Variants in RETREG3 observed in about 807,000 individuals in gnomAD.
RETREG3 encodes reticulophagy regulator family member 3.
A neutral mutation model predicts 50.2 loss-of-function variants in RETREG3; 23 were observed. The observed-to-expected ratio is 0.46, with a 90% CI of 0.33 to 0.65. RETREG3 has a LOEUF of 0.65. Among genes scored for constraint, RETREG3 ranks in the 30% least tolerant of loss-of-function variants. The pLI, the probability that RETREG3 is intolerant of heterozygous loss-of-function variation, is 0.02. For missense variants in RETREG3, 546 were observed against 598.0 expected (o/e 0.91, Z 0.91); for synonymous variants, 240 against 234.4 (o/e 1.02, Z -0.22).
chr17:42,586,242 G>C (rs1174801792), intron 4 of RETREG3, 105 bp from the exon 5 acceptor site: 2 of 979,556 alleles, frequency 2.0e-6, no homozygotes, highest in Non-Finnish European at 3.2e-6. Context: ...TGTAAGTCAA[G>C]CATGGACGTG....
In RETREG3 at chr17:42,586,764, C is replaced by A; in HGVS notation, c.504+1G>T. On this transcript the variant is annotated splice_donor_variant, in intron 4 of 8. Transcript: ENST00000309428. LOFTEE classifies it high-confidence loss of function. ...GAAAGTGAAAAAGGGAAGAGTCTTA[C>A]CTTGCCTGGGTTTTGCTTTTTGAAA... 6.2e-7 allele frequency: 1 copy of A among 1,613,784 alleles called. No individual in the cohort carries two copies. The highest frequency in any genetic ancestry group is 1.1e-5 in the South Asian group (1 of 91,046).
Position 42,587,647 on chromosome 17 carries a change from C to T in RETREG3, c.377+187G>A, listed in dbSNP as rs1245461196. ...TTTCAGAAACTTCTCTTGTAAAGAT[C>T]AGAGGACACAGGCCATCTCAACATA... On this transcript the variant is annotated intron_variant, in intron 3 of 8. Transcript: ENST00000309428. 4.4e-5 allele frequency: 28 copies of T among 633,368 alleles called. 1 individual carries two copies. The highest frequency in any genetic ancestry group is 4.2e-4 in the South Asian group (22 of 52,290). 39.2% of individuals were successfully genotyped at this position (633,368 alleles called of 1,614,324 possible). A position where few individuals can be genotyped will look rare whatever the true frequency, so the allele number is the denominator to read the frequency against.
intron 5 of RETREG3, among the ~76,000 whole-genome samples, chr17:42,585,852 C>T (rs1378622062): frequency 6.6e-6 from 1 of 152,018 alleles, no homozygotes; most frequent in African/African-American, 2.4e-5. Flanking sequence ...CAATTTCTGA[C>T]TTGGTAAGAA....
At chr17:42,598,270 C>T (rs1195749587) in intron 1 of RETREG3, among the ~76,000 whole-genome samples, 2 of 152,038 alleles carry the variant, frequency 1.3e-5, no homozygotes, top group East Asian at 1.9e-4. Context: ...CGTGAGCCAC[C>T]GCACCCGGCC....
Position 42,583,599 on chromosome 17 carries a change from G to C in RETREG3, c.728-19C>G. The C allele has an allele frequency of 6.2e-7, 1 of 1,609,212 alleles. No individual in the cohort carries two copies. The stretch of plus-strand genomic sequence containing the variant: ...CGGCGTACTGTGGGAAGAGCACAAA[G>C]TCTTGCTTGATACCTTCTCCCAGCG... On this transcript the variant is annotated intron_variant, in intron 6 of 8. Transcript: ENST00000309428.
chr17:42,587,272 G>A (rs1490477238), intron 3 of RETREG3, among the ~76,000 whole-genome samples: 2 of 152,350 alleles, frequency 1.3e-5, no homozygotes, highest in South Asian at 4.1e-4. Context: ...TGCTAAGGGG[G>A]AGGAAATGGT....
intron 6 of RETREG3, among the ~76,000 whole-genome samples, chr17:42,584,786 A>G (rs2093117593): frequency 7.1e-6 from 1 of 141,138 alleles, no homozygotes. Context: ...ACTGCACTCC[A>G]GCCTGGGAAA....
chr17:42,598,126 C>T (rs891713702), intron 1 of RETREG3, among the ~76,000 whole-genome samples: 2 of 151,524 alleles, frequency 1.3e-5, no homozygotes. Flanking sequence ...GGACTACAGG[C>T]GCCCGCCACC....
intron 1 of RETREG3, among the ~76,000 whole-genome samples, chr17:42,599,533 A>G (rs1017674770): frequency 1.3e-5 from 2 of 151,922 alleles, no homozygotes; most frequent in Admixed American, 6.6e-5. Flanking sequence ...GTATGCCTGT[A>G]ATCTCAGCTA....
intron 6 of RETREG3, 26 bp downstream of exon 6, chr17:42,585,095 AAGTG>A: frequency 6.2e-7 from 1 of 1,606,376 alleles, no homozygotes; most frequent in Non-Finnish European, 8.5e-7. Flanking sequence ...CAAATTGCGT[AAGTG>A]GAAAGAATGA....
chr17:42,594,845 C>T (rs371731819), intron 1 of RETREG3, among the ~76,000 whole-genome samples: 1 of 151,800 alleles, frequency 6.6e-6, no homozygotes, highest in Non-Finnish European at 1.5e-5. Flanking sequence ...AGTGGAACTC[C>T]GTCTCAAAAT....
At chr17:42,597,519 G>GTA (rs1491488214) in intron 1 of RETREG3, among the ~76,000 whole-genome samples, 29 of 117,180 alleles carry the variant, frequency 2.5e-4, no homozygotes, top group African/African-American at 5.8e-4. Context: ...GTGTGTGTGT[G>GTA]TGTGTATATA....
chr17:42,586,662 CTT>C (rs1191531620), intron 4 of RETREG3, 101 bp downstream of exon 4: 3 of 1,474,852 alleles, frequency 2.0e-6, no homozygotes, highest in Non-Finnish European at 2.7e-6. Flanking sequence ...ACATCATAGT[CTT>C]TACTTTCTTG....
At chr17:42,589,819 C>T (rs2093128924) in intron 2 of RETREG3, among the ~76,000 whole-genome samples, 1 of 152,222 alleles carries the variant, frequency 6.6e-6, no homozygotes, top group African/African-American at 2.4e-5. Context: ...CTGACTACTT[C>T]TCACAAAGAC....
At position 42,594,777 on chromosome 17, in the gene RETREG3, C is replaced by A. The variant is rs559128265; in HGVS notation, c.240-2615G>T. 8.8e-5 allele frequency among the ~76,000 whole-genome samples: 13 copies of A among 148,332 alleles called. No homozygotes were observed. In the South Asian group the frequency reaches 2.9e-3, roughly 33 times the overall value. On this transcript the variant is annotated intron_variant, in intron 1 of 8. Coordinates refer to ENST00000309428, the MANE Select transcript of RETREG3 (RefSeq NM_178126.4). Reference sequence around the variant, plus strand: ...GAGGCAGGAGAATGGCGTGAACCTGCGAGGCGGAGCTTGCAGTGAGCTGAG... The same window carrying A: ...GAGGCAGGAGAATGGCGTGAACCTGAGAGGCGGAGCTTGCAGTGAGCTGAG...
chr17:42,586,468 A>T, intron 4 of RETREG3: 1 of 420,408 alleles, frequency 2.4e-6, no homozygotes, highest in South Asian at 3.3e-5. Context: ...AAAAAAACAC[A>T]ACAACCTATC....
rs114574461 is a variant in RETREG3, at chr17:42,593,122, A to G, written c.240-960T>C. Among the ~76,000 whole-genome samples the G allele has an allele frequency of 3.6e-3, 548 of 152,336 alleles. 3 individuals are homozygous for G. The highest frequency in any genetic ancestry group is 0.013 in the African/African-American group (522 of 41,576). On this transcript the variant is annotated intron_variant, in intron 1 of 8. Coordinates refer to ENST00000309428, the MANE Select transcript of RETREG3 (RefSeq NM_178126.4). ...AGCATTATCCTGATACCAAAGCCAA[A>G]GACACAATAAAACTGTAGACCAATA...
chr17:42,607,423 C>A (rs2093169747), intron 1 of RETREG3, among the ~76,000 whole-genome samples: 1 of 146,668 alleles, frequency 6.8e-6, no homozygotes, highest in African/African-American at 2.5e-5. Context: ...TTGCTTGAGC[C>A]CAGGAAGTGG....
chr17:42,593,742 T>TA (rs2093137995), intron 1 of RETREG3, among the ~76,000 whole-genome samples: 1 of 151,984 alleles, frequency 6.6e-6, no homozygotes, highest in African/African-American at 2.4e-5. Context: ...TTTTAGATGC[T>TA]AAGTGTTAAG....
Sources: allele counts gnomAD v4.1 joint callset (sites outside exome capture counted in the v4.1 genomes callset), GRCh38; gene constraint gnomAD v4.1.1; transcripts MANE v1.5; gene names NCBI Gene and HGNC (gene_info 2026-07-23, HGNC 2026-07-21).